PON3: variants seen among roughly 807,000 people sequenced by gnomAD.
PON3 encodes the protein serum paraoxonase/lactonase 3.
A neutral mutation model predicts 36.3 loss-of-function variants in PON3; 37 were observed. The observed-to-expected ratio is 1.02, with a 90% CI of 0.78 to 1.34. The LOEUF (loss-of-function observed/expected upper bound fraction) is 1.34. Among genes scored for constraint, PON3 ranks in the 40% most tolerant of loss-of-function variants. The pLI is 0.00. For synonymous variants in PON3, 155 were observed against 154.8 expected, an observed-to-expected ratio of 1.00 and a Z score of -0.01; for missense variants, 415 against 426.5, an observed-to-expected ratio of 0.97 and a Z score of 0.24.
At chr7:95,368,761 A>G (rs1808749034) in intron 4 of PON3, among the ~76,000 whole-genome samples, 1 of 151,442 alleles carries the variant, frequency 6.6e-6, no homozygotes. Flanking sequence ...GCCTGATTAT[A>G]TGACTGTTAT....
intron 3 of PON3, among the ~76,000 whole-genome samples, chr7:95,383,759 G>A (rs1343290322): frequency 1.2e-4 from 19 of 152,236 alleles, no homozygotes; most frequent in African/African-American, 4.1e-4. Context: ...AATCAATATC[G>A]TGAAAATGGC....
intron 6 of PON3, 159 bp downstream of exon 6, chr7:95,363,704 G>A (rs1383199747): frequency 2.6e-6 from 2 of 755,744 alleles, no homozygotes; most frequent in Non-Finnish European, 2.3e-6. Flanking sequence ...CAAATGGATT[G>A]CTTAGGATGA....
At chr7:95,384,371 A>G (rs1051514098) in intron 3 of PON3, among the ~76,000 whole-genome samples, 1 of 152,214 alleles carries the variant, frequency 6.6e-6, no homozygotes, top group South Asian at 2.1e-4. Context: ...CATTAAACTA[A>G]AGAGCTTCTG....
In PON3 at chr7:95,396,372, G is replaced by GGT; in HGVS notation, c.-23_-22insAC. On this transcript the variant is annotated 5_prime_UTR_variant, in exon 1 of 9. Transcript: ENST00000265627. ...CCATGGTCTCGGGGTGCCCAGCGGCGACTGCGCGGCGCCGAGAGCTCTCGG... is the reference window on the plus strand; with the variant it reads ...CCATGGTCTCGGGGTGCCCAGCGGCGGTACTGCGCGGCGCCGAGAGCTCTCGG... The GGT allele has an allele frequency of 1.9e-6, 3 of 1,612,746 alleles. No individual in the cohort carries two copies. Among genetic ancestry groups the GGT allele is most frequent in the Non-Finnish European group, 2.5e-6 (3 of 1,179,214 alleles).
chr7:95,364,429 C>T (rs766289422), intron 5 of PON3: 55 of 320,590 alleles, frequency 1.7e-4, no homozygotes, highest in Non-Finnish European at 2.4e-4. Flanking sequence ...ATTACACTTC[C>T]CCATCCCCTT....
Position 95,362,349 on chromosome 7 carries a change from T to A in PON3, c.906+13A>T. ...AGCTTTGCCTGTGAGCTCAGAGAGG[T>A]ATAGGAACTTACTTCTGATCCTGGA... On this transcript the variant is annotated intron_variant, in intron 8 of 8. Coordinates refer to ENST00000265627, the MANE Select transcript of PON3 (RefSeq NM_000940.3). 1 of 1,613,494 alleles carries A rather than the reference T, an allele frequency of 6.2e-7. No individual in the cohort carries two copies. The highest frequency in any genetic ancestry group is 8.5e-7 in the Non-Finnish European group (1 of 1,179,588).
chr7:95,389,407 G>A (rs759198222), intron 3 of PON3, among the ~76,000 whole-genome samples: 14 of 152,070 alleles, frequency 9.2e-5, no homozygotes, highest in Non-Finnish European at 1.5e-4. Context: ...TGGAATATTA[G>A]ACATCCAATT....
intron 3 of PON3, among the ~76,000 whole-genome samples, chr7:95,389,696 A>G (rs1462076277): frequency 6.6e-6 from 1 of 152,214 alleles, no homozygotes; most frequent in Non-Finnish European, 1.5e-5. Flanking sequence ...GAACGTGTTT[A>G]GAGTTTTAAA....
intron 8 of PON3, among the ~76,000 whole-genome samples, chr7:95,360,584 G>C (rs1808544687): frequency 6.6e-6 from 1 of 152,122 alleles, no homozygotes; most frequent in African/African-American, 2.4e-5. Flanking sequence ...CTTCACATCT[G>C]CAAAGTTGCT....
intron 3 of PON3, among the ~76,000 whole-genome samples, chr7:95,378,802 C>A (rs1185949975): frequency 6.6e-6 from 1 of 152,106 alleles, no homozygotes; most frequent in Non-Finnish European, 1.5e-5. Context: ...CAAAAACATG[C>A]CAAATTGTAA....
At position 95,359,907 on chromosome 7, in the gene PON3, A is replaced by G; in HGVS notation, c.*66T>C. Reference sequence around the variant, plus strand: ...CTATTTACTTACAGTGCCACTTATCATACAATTATCAGTTTACTTTTACAA... The same window carrying G: ...CTATTTACTTACAGTGCCACTTATCGTACAATTATCAGTTTACTTTTACAA... On this transcript the variant is annotated 3_prime_UTR_variant, in exon 9 of 9. Coordinates refer to ENST00000265627, the MANE Select transcript of PON3 (RefSeq NM_000940.3). The G allele has an allele frequency of 1.3e-6, 2 of 1,510,512 alleles. No individual in the cohort carries two copies. Among genetic ancestry groups the G allele is most frequent in the South Asian group, 2.3e-5 (2 of 85,554 alleles). 93.6% of individuals were successfully genotyped at this position (1,510,512 alleles called of 1,614,324 possible).
chr7:95,389,644 C>G (rs1245758302), intron 3 of PON3, among the ~76,000 whole-genome samples: 1 of 152,090 alleles, frequency 6.6e-6, no homozygotes, highest in African/African-American at 2.4e-5. Flanking sequence ...TTCTCTATTT[C>G]TCTTTGAAAG....
At chr7:95,363,691 A>G in intron 6 of PON3, 172 bp downstream of exon 6, 2 of 706,262 alleles carry the variant, frequency 2.8e-6, no homozygotes, top group Non-Finnish European at 4.9e-6. Context: ...AAGTCCAAGG[A>G]AACAAATGGA....
At chr7:95,380,600 C>A (rs1585727983) in intron 3 of PON3, among the ~76,000 whole-genome samples, 1 of 152,086 alleles carries the variant, frequency 6.6e-6, no homozygotes, top group East Asian at 1.9e-4. Flanking sequence ...GAAAGGGTAA[C>A]AATGATTGAA....
intron 3 of PON3, among the ~76,000 whole-genome samples, chr7:95,383,092 A>T (rs1242512271): frequency 6.6e-6 from 1 of 152,230 alleles, no homozygotes; most frequent in Admixed American, 6.5e-5. Flanking sequence ...ACAGAACTGA[A>T]GATAAAAACC....
intron 7 of PON3, 39 bp from the exon 8 acceptor site, chr7:95,362,529 T>G (rs757751499): frequency 6.2e-7 from 1 of 1,612,596 alleles, no homozygotes; most frequent in Non-Finnish European, 8.5e-7. Flanking sequence ...ATTGTCTCAA[T>G]GATTCCTCGC....
intron 3 of PON3, among the ~76,000 whole-genome samples, chr7:95,374,263 A>G (rs564245465): frequency 6.6e-6 from 1 of 152,256 alleles, no homozygotes; most frequent in South Asian, 2.1e-4. Flanking sequence ...TGAATTTCCT[A>G]TAATTCTTTC....
At chr7:95,384,380 T>C (rs111764939) in intron 3 of PON3, among the ~76,000 whole-genome samples, 4,215 of 152,160 alleles carry the variant, frequency 0.028, 68 homozygotes, top group African/African-American at 0.067. Flanking sequence ...AAAGAGCTTC[T>C]GCATAGCAAA....
chr7:95,377,609 C>G (rs1808949412), intron 3 of PON3: 1 of 423,416 alleles, frequency 2.4e-6, no homozygotes, highest in African/African-American at 2.1e-5. Context: ...GTTCTGCAGC[C>G]TCCACTGGTG....
Sources: gnomAD v4.1 joint callset for allele counts (sites outside exome capture counted in the v4.1 genomes callset) on GRCh38, gnomAD v4.1.1 for gene constraint, MANE v1.5 for transcripts, NCBI Gene and HGNC (gene_info 2026-07-23, HGNC 2026-07-21) for gene names.